Variants in RASSF3 observed in about 807,000 individuals in gnomAD.
RASSF3 encodes the protein Ras association domain family member 3, also known as ras association domain-containing protein 3.
Under a neutral mutation model 19.9 loss-of-function variants are expected in RASSF3, and 19 were observed. That is an observed-to-expected ratio of 0.96 (90% CI 0.67 to 1.40). RASSF3 has a LOEUF of 1.40. Among genes scored for constraint, RASSF3 ranks in the 40% most tolerant of loss-of-function variants. RASSF3 has a pLI of 0.00. For missense variants in RASSF3, 306 were observed against 289.8 expected (o/e 1.06, Z -0.41); for synonymous variants, 110 against 104.2 (o/e 1.06, Z -0.34).
At chr12:64,550,532 G>C (rs1345738422) in intron 2 of RASSF3, among the ~76,000 whole-genome samples, 1 of 151,982 alleles carries the variant, frequency 6.6e-6, no homozygotes, top group African/African-American at 2.4e-5. Context: ...AGGTGTGGTG[G>C]TGCACACCTG....
chr12:64,522,212 A>G (rs1446188169), intron 1 of RASSF3, among the ~76,000 whole-genome samples: 1 of 152,180 alleles, frequency 6.6e-6, no homozygotes, highest in Non-Finnish European at 1.5e-5. Context: ...TCTATGTTAC[A>G]GGGTGGATAT....
At chr12:64,563,362 G>A (rs2136126592) in intron 2 of RASSF3, among the ~76,000 whole-genome samples, 1 of 151,742 alleles carries the variant, frequency 6.6e-6, no homozygotes, top group Admixed American at 6.6e-5. Context: ...TAGAGATGGG[G>A]TTTCACCATG....
chr12:64,663,429 A>G (rs1053151930), intron 1 of RASSF3, among the ~76,000 whole-genome samples: 1 of 152,206 alleles, frequency 6.6e-6, no homozygotes, highest in Admixed American at 6.5e-5. Context: ...AACTCTGACC[A>G]TATCTAGGTT....
chr12:64,608,221 T>C (rs527463521), upstream of RASSF3, among the ~76,000 whole-genome samples: 14 of 152,284 alleles, frequency 9.2e-5, no homozygotes, highest in South Asian at 2.9e-3. Flanking sequence ...TAACTGATTC[T>C]GATGGTATGC....
chr12:64,559,769 G>T lies in RASSF3; in HGVS notation c.294+18064G>T, dbSNP rs183961940. Among the ~76,000 whole-genome samples, 478 of 152,326 alleles carry T rather than the reference G, an allele frequency of 3.1e-3. 5 individuals are homozygous for T. Among genetic ancestry groups the T allele is most frequent in the African/African-American group, 0.011 (463 of 41,574 alleles). On this transcript the variant is annotated intron_variant, in intron 2 of 5. Transcript: ENST00000637125. The stretch of plus-strand genomic sequence containing the variant: ...CCAAAATTGTCCTCTAGTCAAGGAA[G>T]TCTTGCTTTTCTAGTCTTACTTTCT...
intron 1 of RASSF3, among the ~76,000 whole-genome samples, chr12:64,618,526 A>G (rs1870630283): frequency 6.6e-6 from 1 of 152,002 alleles, no homozygotes; most frequent in Non-Finnish European, 1.5e-5. Context: ...ACGGGGTTAT[A>G]CCATGTTGGC....
chr12:64,515,944 C>T (rs1438396875), intron 1 of RASSF3, among the ~76,000 whole-genome samples: 1 of 152,090 alleles, frequency 6.6e-6, no homozygotes, highest in Non-Finnish European at 1.5e-5. Flanking sequence ...TTCAGTAGTG[C>T]ATATATGGTT....
intron 2 of RASSF3, among the ~76,000 whole-genome samples, chr12:64,586,491 G>GAAAAAAAA (rs10708538): frequency 1.6e-3 from 115 of 70,108 alleles, no homozygotes; most frequent in East Asian, 2.1e-3. Flanking sequence ...CTCCTTCTCA[G>GAAAAAAAA]AAAAAAAAAA....
At chr12:64,662,970 G>A (rs1565864706) in intron 1 of RASSF3, among the ~76,000 whole-genome samples, 1 of 152,152 alleles carries the variant, frequency 6.6e-6, no homozygotes, top group African/African-American at 2.4e-5. Flanking sequence ...ATAGTGCTAA[G>A]CACTCAATAA....
chr12:64,682,238 G>A (rs1873152403), intron 1 of RASSF3, among the ~76,000 whole-genome samples: 1 of 152,120 alleles, frequency 6.6e-6, no homozygotes, highest in Non-Finnish European at 1.5e-5. Context: ...TGACCCATTA[G>A]ACTTCACCAG....
intron 1 of RASSF3, among the ~76,000 whole-genome samples, chr12:64,517,086 ATAGT>A (rs1868381887): frequency 6.6e-6 from 1 of 151,936 alleles, no homozygotes; most frequent in Non-Finnish European, 1.5e-5. Context: ...ACCATAACTA[ATAGT>A]TTTTCTTTAT....
At chr12:64,619,339 T>C (rs572984113) in intron 1 of RASSF3, among the ~76,000 whole-genome samples, 5 of 151,956 alleles carry the variant, frequency 3.3e-5, no homozygotes, top group Non-Finnish European at 5.9e-5. Context: ...CTTTTTTTTT[T>C]CCACATGAGC....
rs57235286 is a variant in RASSF3 at position 64,634,762 on chromosome 12, T to TAAA, written c.111+24045_111+24047dup. 2.1e-3 allele frequency among the ~76,000 whole-genome samples: 194 copies of TAAA among 90,966 alleles called. 2 individuals carry two copies. Among genetic ancestry groups the TAAA allele is most frequent in the African/African-American group, 7.2e-3 (190 of 26,462 alleles). 59.7% of individuals were successfully genotyped at this position (90,966 alleles called of 152,430 possible). On this transcript the variant is annotated intron_variant, in intron 1 of 4. Coordinates refer to ENST00000542104, the MANE Select transcript of RASSF3 (RefSeq NM_178169.4). ...CACGACACAGCGAGACACCATCTCA[T>TAAA]AAAAAAAAAAAAAAAAAAAAAAAAA...
intron 2 of RASSF3, among the ~76,000 whole-genome samples, chr12:64,581,539 T>C (rs1869696407): frequency 6.6e-6 from 1 of 152,096 alleles, no homozygotes. Flanking sequence ...TGAAACCCCG[T>C]CTCTACAGAA....
At chr12:64,667,614 TC>T (rs1209980057) in intron 1 of RASSF3, among the ~76,000 whole-genome samples, 1 of 152,224 alleles carries the variant, frequency 6.6e-6, no homozygotes, top group Non-Finnish European at 1.5e-5. Flanking sequence ...CCAAATTTCA[TC>T]CTCTTTCCCT....
intron 1 of RASSF3, among the ~76,000 whole-genome samples, chr12:64,539,802 T>C (rs959784939): frequency 6.6e-6 from 1 of 152,096 alleles, no homozygotes; most frequent in African/African-American, 2.4e-5. Context: ...TCTCATACCA[T>C]TAAATATTAT....
At chr12:64,584,878 T>C (rs1869767511) in intron 2 of RASSF3, among the ~76,000 whole-genome samples, 1 of 125,148 alleles carries the variant, frequency 8.0e-6, no homozygotes, top group African/African-American at 2.9e-5. Context: ...ACAGAAGGAT[T>C]CTTTTTTTTT....
At chr12:64,650,365 C>T (rs1871898454) in intron 1 of RASSF3, among the ~76,000 whole-genome samples, 2 of 149,720 alleles carry the variant, frequency 1.3e-5, no homozygotes, top group Middle Eastern at 3.5e-3. Flanking sequence ...GTGATGACCT[C>T]AGTGATAGTT....
chr12:64,566,508 T>C (rs1056741504), intron 2 of RASSF3, among the ~76,000 whole-genome samples: 26 of 152,142 alleles, frequency 1.7e-4, no homozygotes, highest in African/African-American at 6.3e-4. Context: ...CCTGAAAAGG[T>C]CCTGAAAGGA....
Sources: gnomAD v4.1 joint callset for allele counts (sites outside exome capture counted in the v4.1 genomes callset) on GRCh38, gnomAD v4.1.1 for gene constraint, MANE v1.5 for transcripts, NCBI Gene and HGNC (gene_info 2026-07-23, HGNC 2026-07-21) for gene names.